The following NPAS3 variants were observed in gnomAD, a reference collection of about 807,000 sequenced individuals.
The protein encoded by NPAS3 is neuronal PAS domain protein 3.
NPAS3 carries 14 observed loss-of-function variants against 73.1 expected under a neutral mutation model. That is an observed-to-expected ratio of 0.19 (90% confidence interval 0.13 to 0.30). The LOEUF (loss-of-function observed/expected upper bound fraction) is 0.30. NPAS3 is among the 10% of genes least tolerant of loss of function. The pLI is 1.00. For missense variants in NPAS3, 1,096 were observed against 1,250.0 expected, an observed-to-expected ratio of 0.88 and a Z score of 1.86; for synonymous variants, 620 against 541.5, an observed-to-expected ratio of 1.14 and a Z score of -2.01.
chr14:33,293,193 A>T (rs887297199), intron 3 of NPAS3, among the ~76,000 whole-genome samples: 3 of 152,194 alleles, frequency 2.0e-5, no homozygotes, highest in Non-Finnish European at 4.4e-5. Context: ...TAGTTTAATG[A>T]TGAAAAATCT....
At chr14:33,490,291 A>G (rs1399704225) in intron 4 of NPAS3, among the ~76,000 whole-genome samples, 2 of 152,150 alleles carry the variant, frequency 1.3e-5, no homozygotes, top group Non-Finnish European at 2.9e-5. Context: ...ATATTACTAA[A>G]TAATTACCTT....
At chr14:33,046,750 T>G (rs935882971) in intron 1 of NPAS3, among the ~76,000 whole-genome samples, 1 of 151,982 alleles carries the variant, frequency 6.6e-6, no homozygotes, top group African/African-American at 2.4e-5. Flanking sequence ...CCGAGGCAGG[T>G]GGATGACCTG....
chr14:33,189,191 A>G (rs1025821520), intron 2 of NPAS3, among the ~76,000 whole-genome samples: 2 of 152,122 alleles, frequency 1.3e-5, no homozygotes, highest in Non-Finnish European at 2.9e-5. Context: ...TTTTGGACCC[A>G]GTTTCATGTC....
intron 5 of NPAS3, among the ~76,000 whole-genome samples, chr14:33,637,010 C>T (rs974723449): frequency 2.0e-5 from 3 of 151,974 alleles, no homozygotes; most frequent in Admixed American, 6.6e-5. Flanking sequence ...TGTTTTCTTC[C>T]GGCATCAGGG....
chr14:33,271,642 T>C (rs1360597644), intron 3 of NPAS3, among the ~76,000 whole-genome samples: 1 of 152,130 alleles, frequency 6.6e-6, no homozygotes, highest in Non-Finnish European at 1.5e-5. Flanking sequence ...AAATATTTAT[T>C]AAAAAATACC....
At chr14:33,803,442 A>G (rs1214519535), downstream of NPAS3, 1 of 152,230 alleles carries the variant, frequency 6.6e-6, no homozygotes, top group African/African-American at 2.4e-5. Context: ...AAATGCCACA[A>G]ATTTTAATAG....
At chr14:33,670,621 C>A (rs2059583814) in intron 5 of NPAS3, among the ~76,000 whole-genome samples, 1 of 146,976 alleles carries the variant, frequency 6.8e-6, no homozygotes, top group Admixed American at 6.8e-5. Context: ...TGTGACCCCC[C>A]CTCAAAAAAA....
At chr14:33,394,523 A>G (rs991262602) in intron 4 of NPAS3, among the ~76,000 whole-genome samples, 1 of 152,162 alleles carries the variant, frequency 6.6e-6, no homozygotes, top group Non-Finnish European at 1.5e-5. Context: ...GGCTTGTCCT[A>G]TTCAGCAAAA....
intron 5 of NPAS3, among the ~76,000 whole-genome samples, chr14:33,649,502 CACTT>C (rs780954978): frequency 5.3e-5 from 8 of 152,184 alleles, no homozygotes; most frequent in Non-Finnish European, 8.8e-5. Flanking sequence ...ACAAAATGGA[CACTT>C]ACTTTTATTG....
chr14:33,088,201 G>C (rs2042100453), intron 2 of NPAS3, among the ~76,000 whole-genome samples: 1 of 152,178 alleles, frequency 6.6e-6, no homozygotes, highest in African/African-American at 2.4e-5. Context: ...CAGGACAGTG[G>C]GTGCAGCCCA....
At chr14:33,116,663 G>A (rs967387917) in intron 2 of NPAS3, among the ~76,000 whole-genome samples, 7 of 151,976 alleles carry the variant, frequency 4.6e-5, no homozygotes, top group Non-Finnish European at 5.9e-5. Context: ...CTGCTTCTCC[G>A]AACTGACAAA....
At chr14:33,342,620 A>G (rs770504316) in intron 3 of NPAS3, among the ~76,000 whole-genome samples, 2 of 152,168 alleles carry the variant, frequency 1.3e-5, no homozygotes, top group Non-Finnish European at 2.9e-5. Flanking sequence ...GTTTTTCATA[A>G]AGTGTTTGCA....
At chr14:33,773,521 A>T (rs772639407) in intron 7 of NPAS3, among the ~76,000 whole-genome samples, 6 of 152,182 alleles carry the variant, frequency 3.9e-5, no homozygotes, top group Non-Finnish European at 8.8e-5. Context: ...CATTTGAGGA[A>T]GTTGTCGCTA....
intron 4 of NPAS3, among the ~76,000 whole-genome samples, chr14:33,377,183 G>A (rs1332100028): frequency 6.6e-6 from 1 of 152,166 alleles, no homozygotes; most frequent in African/African-American, 2.4e-5. Context: ...CCTTGAGAAT[G>A]AAAATTCTTC....
chr14:33,685,012 G>C (rs1036970142), intron 6 of NPAS3, among the ~76,000 whole-genome samples: 1 of 152,168 alleles, frequency 6.6e-6, no homozygotes, highest in South Asian at 2.1e-4. Context: ...GGAAGAACTT[G>C]TATCTTTTCT....
intron 3 of NPAS3, among the ~76,000 whole-genome samples, chr14:33,298,069 G>A (rs1412607793): frequency 6.6e-6 from 1 of 152,162 alleles, no homozygotes; most frequent in Non-Finnish European, 1.5e-5. Flanking sequence ...ATCACCTGAG[G>A]TCAGGAGTTC....
At chr14:33,222,560 T>G (rs1361030499) in intron 3 of NPAS3, among the ~76,000 whole-genome samples, 2 of 152,188 alleles carry the variant, frequency 1.3e-5, no homozygotes, top group Non-Finnish European at 2.9e-5. Context: ...CATTATTCTG[T>G]TGGTTTGTTA....
At chr14:33,629,064 T>C (rs1426780309) in intron 5 of NPAS3, among the ~76,000 whole-genome samples, 1 of 151,796 alleles carries the variant, frequency 6.6e-6, no homozygotes, top group East Asian at 1.9e-4. Flanking sequence ...ACCCCGTCTC[T>C]ACTAAAAAAA....
chr14:32,975,892 T>TGAGA (rs200470927), intron 1 of NPAS3, among the ~76,000 whole-genome samples: 3 of 120,850 alleles, frequency 2.5e-5, no homozygotes, highest in Non-Finnish European at 5.2e-5. Flanking sequence ...TGTGTGTGTG[T>TGAGA]GTGTGAGAGA....
Sources: gnomAD v4.1 joint callset for allele counts (sites outside exome capture counted in the v4.1 genomes callset) on GRCh38, gnomAD v4.1.1 for gene constraint, MANE v1.5 for transcripts, NCBI Gene and HGNC (gene_info 2026-07-23, HGNC 2026-07-21) for gene names.